Variants in BCCIP observed in about 807,000 individuals in gnomAD.
BCCIP encodes the protein BRCA2 and CDKN1A-interacting protein.
Under a neutral mutation model 32.8 loss-of-function variants are expected in BCCIP, and 23 were observed. The ratio of observed to expected loss-of-function variants is 0.70; its 90% CI spans 0.51 to 0.99. BCCIP has a LOEUF of 0.99. BCCIP is among the 50% of genes least tolerant of loss of function. BCCIP has a pLI of 0.00. For synonymous variants in BCCIP, 144 were observed against 137.6 expected (o/e 1.05, Z -0.33); for missense variants, 378 against 379.8 (o/e 1.00, Z 0.04).
downstream of BCCIP, among the ~76,000 whole-genome samples, chr10:125,843,517 C>T (rs1421957814): frequency 6.6e-6 from 1 of 151,780 alleles, no homozygotes; most frequent in East Asian, 1.9e-4. Flanking sequence ...GAGGTTGAGG[C>T]AGGAGAATGG....
At chr10:125,852,462 C>T (rs1944103514) in intron 7 of BCCIP, 1 of 1,613,678 alleles carries the variant, frequency 6.2e-7, no homozygotes, top group African/African-American at 1.3e-5. Context: ...CTAAAAGACA[C>T]CAAGAAAAAT....
At chr10:125,826,179 C>T (rs1854384858) in intron 1 of BCCIP, 1 of 184,770 alleles carries the variant, frequency 5.4e-6, no homozygotes, top group African/African-American at 2.4e-5. Flanking sequence ...TTTGTGTCTG[C>T]CTTACTAACC....
chr10:125,829,220 A>G (rs1854471514), intron 3 of BCCIP, among the ~76,000 whole-genome samples: 1 of 152,186 alleles, frequency 6.6e-6, no homozygotes, highest in Non-Finnish European at 1.5e-5. Context: ...GTCTCTGAAA[A>G]TGAGGATGGT....
At chr10:125,848,486 T>C (rs1355962228) in intron 7 of BCCIP, among the ~76,000 whole-genome samples, 2 of 152,188 alleles carry the variant, frequency 1.3e-5, no homozygotes, top group Admixed American at 6.5e-5. Context: ...AGCTGTTTTG[T>C]CATATGTAAA....
At chr10:125,825,762 A>G (rs1287070272) in intron 1 of BCCIP, 2 of 152,228 alleles carry the variant, frequency 1.3e-5, no homozygotes, top group African/African-American at 4.8e-5. Context: ...TGTGTCACTT[A>G]TCAAGGTCTG....
downstream of BCCIP, among the ~76,000 whole-genome samples, chr10:125,843,611 C>CAA (rs879669432): frequency 4.5e-5 from 6 of 132,460 alleles, no homozygotes; most frequent in African/African-American, 1.1e-4. Context: ...GACTCCGTCT[C>CAA]AAAAAAAAAA....
At chr10:125,833,440 A>T (rs539011220) in intron 5 of BCCIP, among the ~76,000 whole-genome samples, 2 of 152,298 alleles carry the variant, frequency 1.3e-5, no homozygotes, top group Non-Finnish European at 2.9e-5. Context: ...AAAATTCAAA[A>T]ATTCAGATTC....
intron 7 of BCCIP, among the ~76,000 whole-genome samples, chr10:125,849,930 A>G (rs1347808679): frequency 6.6e-6 from 1 of 152,056 alleles, no homozygotes; most frequent in African/African-American, 2.4e-5. Flanking sequence ...CTCTGGTGAA[A>G]GATCTGCACC....
chr10:125,835,487 G>C (rs575300043), intron 6 of BCCIP, among the ~76,000 whole-genome samples: 1 of 151,714 alleles, frequency 6.6e-6, no homozygotes, highest in Non-Finnish European at 1.5e-5. Flanking sequence ...GCTGAGGCAG[G>C]AGAATGGTGT....
chr10:125,844,272 A>G (rs1458980744), downstream of BCCIP, among the ~76,000 whole-genome samples: 3 of 152,220 alleles, frequency 2.0e-5, no homozygotes, highest in African/African-American at 7.2e-5. Flanking sequence ...TACAAACTTA[A>G]CTACTGAAAG....
chr10:125,844,338 G>T (rs368633297), downstream of BCCIP, among the ~76,000 whole-genome samples: 13 of 152,324 alleles, frequency 8.5e-5, no homozygotes, highest in South Asian at 1.7e-3. Context: ...TAAGTTACAG[G>T]ATCTTTGGCA....
chr10:125,841,043 T>C, downstream of BCCIP: 1 of 1,567,902 alleles, frequency 6.4e-7, no homozygotes, highest in South Asian at 1.2e-5. Context: ...GAAGACATTT[T>C]ATCTTAGCCT....
At chr10:125,842,855 G>T (rs941721602), downstream of BCCIP, 34 of 839,418 alleles carry the variant, frequency 4.1e-5, no homozygotes, top group Admixed American at 5.0e-4. Context: ...CATCGATAAT[G>T]ATGTGGTATT....
downstream of BCCIP, chr10:125,840,996 G>A: frequency 6.3e-7 from 1 of 1,591,900 alleles, no homozygotes; most frequent in Non-Finnish European, 8.6e-7. Context: ...GCAATTTGGA[G>A]CTTCAAAATG....
downstream of BCCIP, among the ~76,000 whole-genome samples, chr10:125,844,448 G>A (rs974144640): frequency 6.6e-6 from 1 of 152,188 alleles, no homozygotes; most frequent in Non-Finnish European, 1.5e-5. Flanking sequence ...CGCACACAGG[G>A]TTAGTAACAT....
At chr10:125,842,011 C>G in exon 7 of BCCIP, 1 of 1,424,100 alleles carries the variant, frequency 7.0e-7, no homozygotes, top group Non-Finnish European at 9.1e-7. Context: ...CTTTTCCCTC[C>G]TGCATGAAAC....
chr10:125,826,371 T>C (rs889728574), intron 1 of BCCIP: 1 of 619,976 alleles, frequency 1.6e-6, no homozygotes, highest in Non-Finnish European at 2.5e-6. Context: ...AATTTATCCT[T>C]TGTGGCTGCC....
At position 125,827,638 on chromosome 10, in the gene BCCIP, G is replaced by A; in HGVS notation, c.321G>A (p.Lys107=). ...IQQNHIGSVI[K]QTDVSEDSND... is the part of the protein sequence containing the mutation. ...AGAACCATATTGGGAGTGTGATTAA[G>A]GTAAGTAGGATAATTGTGTTTATTC... is the stretch of plus-strand genomic sequence containing the variant. The change falls in exon 3 of 7, where the codon AAG becomes AAA. Residue 107 remains lysine (K), a splice_region_variant and synonymous_variant. Transcript: ENST00000278100. 1.9e-6 allele frequency: 3 copies of A among 1,596,030 alleles called. No homozygotes were observed. The highest frequency in any genetic ancestry group is 1.3e-5 in the African/African-American group (1 of 74,672).
At chr10:125,842,663 C>G (rs1452459968) in exon 7 of BCCIP, 1 of 188,548 alleles carries the variant, frequency 5.3e-6, no homozygotes, top group Non-Finnish European at 9.9e-6. Context: ...GTCTAGCATC[C>G]AGTAGAGAGG....
Sources: gnomAD v4.1 joint callset for allele counts (sites outside exome capture counted in the v4.1 genomes callset) on GRCh38, gnomAD v4.1.1 for gene constraint, MANE v1.5 for transcripts, NCBI Gene and HGNC (gene_info 2026-07-23, HGNC 2026-07-21) for gene names.